ZEB1: variants seen among roughly 807,000 people sequenced by gnomAD.
ZEB1 encodes zinc finger E-box-binding homeobox 1.
In ZEB1, 21 loss-of-function variants were observed where a neutral mutation model predicts 84.9. That is an observed-to-expected ratio of 0.25 (90% confidence interval 0.18 to 0.36). ZEB1 has a LOEUF of 0.36. ZEB1 is among the 10% of genes least tolerant of loss of function. The pLI is 1.00. For missense variants in ZEB1, 1,104 were observed against 1,330.2 expected (o/e 0.83, Z 2.65); for synonymous variants, 420 against 471.1 (o/e 0.89, Z 1.41).
At chr10:31,448,624 T>C (rs1336031138) in intron 1 of ZEB1, among the ~76,000 whole-genome samples, 1 of 151,914 alleles carries the variant, frequency 6.6e-6, no homozygotes, top group Non-Finnish European at 1.5e-5. Context: ...TTAGTTTTCC[T>C]TCTTACAGAC....
At chr10:31,448,577 A>G (rs1015856519) in intron 1 of ZEB1, among the ~76,000 whole-genome samples, 1 of 150,982 alleles carries the variant, frequency 6.6e-6, no homozygotes, top group Non-Finnish European at 1.5e-5. Context: ...ATGGTGATGT[A>G]CAGATGGGTT....
intron 1 of ZEB1, among the ~76,000 whole-genome samples, chr10:31,428,761 T>C (rs1359860403): frequency 6.6e-6 from 1 of 152,232 alleles, no homozygotes; most frequent in African/African-American, 2.4e-5. Flanking sequence ...CATACATATT[T>C]AGGATAGTTT....
intron 4 of ZEB1, among the ~76,000 whole-genome samples, chr10:31,504,684 T>A (rs1275622669): frequency 6.6e-6 from 1 of 152,026 alleles, no homozygotes; most frequent in Non-Finnish European, 1.5e-5. Flanking sequence ...TTGGGTAAAT[T>A]TATCCCTAGG....
Position 31,331,889 on chromosome 10 carries a change from C to G in ZEB1, c.58+12597C>G, listed in dbSNP as rs1246967388. Among the ~76,000 whole-genome samples, 2 of 152,126 alleles carry G rather than the reference C, an allele frequency of 1.3e-5. 1 individual carries two copies. Among genetic ancestry groups the G allele is most frequent in the Non-Finnish European group, 2.9e-5 (2 of 68,022 alleles). ...AATGAAGAAAAAATGCTTTATATTG[C>G]TTTCCTGAATTTAGATTTTATCTTG... On this transcript the variant is annotated intron_variant, in intron 1 of 8. Transcript: ENST00000424869.
rs78449005 is a variant in ZEB1, at chr10:31,524,045, C to G, written c.2717C>G (p.Ala906Gly). The G allele has an allele frequency of 5.0e-4, 808 of 1,613,856 alleles. 1 individual carries two copies. The African/African-American group carries it at 5.2e-3, about 10-fold the overall frequency. ...KMRKTENGMYACDLCDKIFQK... is the reference protein window; with the variant it reads ...KMRKTENGMYGCDLCDKIFQK... Reference sequence around the variant, plus strand: ...CGGAAGACAGAAAATGGAATGTATGCTTGTGATTTGTGTGACAAGATATTC... The same window carrying G: ...CGGAAGACAGAAAATGGAATGTATGGTTGTGATTTGTGTGACAAGATATTC... The change falls in exon 8 of 9, where the codon GCT becomes GGT. Residue 906 changes from alanine to glycine, a missense_variant. Around this residue, in one of 7 missense-constraint regions of ZEB1, gnomAD observed 531 missense variants for 575.2 expected, o/e 0.92. Coordinates refer to ENST00000424869, the MANE Select transcript of ZEB1 (RefSeq NM_001174096.2).
chr10:31,370,825 A>G (rs1782367325), intron 1 of ZEB1, among the ~76,000 whole-genome samples: 1 of 152,200 alleles, frequency 6.6e-6, no homozygotes, highest in Admixed American at 6.5e-5. Context: ...ATAATGTCAT[A>G]TGACTGGACC....
intron 1 of ZEB1, chr10:31,363,925 G>A (rs1283498865): frequency 8.4e-6 from 11 of 1,307,136 alleles, no homozygotes; most frequent in Non-Finnish European, 7.9e-6. Context: ...AGGCACAGGT[G>A]CAGGAGCTGC....
At position 31,323,964 on chromosome 10, in the gene ZEB1, C is replaced by T. The variant is rs1036305744; in HGVS notation, c.58+4672C>T. Among the ~76,000 whole-genome samples, 812 of 146,390 alleles carry T rather than the reference C, an allele frequency of 5.5e-3. 12 individuals are homozygous for T. The highest frequency in any genetic ancestry group is 0.019 in the African/African-American group (777 of 40,000). ...CTTATTTTAGGATGTCATGGTTCTT[C>T]GTGTGTGTGTGTGTGTGTGTGTGTG... is the stretch of plus-strand genomic sequence containing the variant. On this transcript the variant is annotated intron_variant, in intron 1 of 8. Coordinates refer to ENST00000424869, the MANE Select transcript of ZEB1 (RefSeq NM_001174096.2).
chr10:31,438,221 G>A (rs866824656), intron 1 of ZEB1, among the ~76,000 whole-genome samples: 19 of 152,172 alleles, frequency 1.2e-4, no homozygotes, highest in African/African-American at 2.9e-4. Context: ...TTGTGCTGGT[G>A]TTCAGCAAGT....
chr10:31,477,519 A>G (rs752747561), intron 2 of ZEB1, among the ~76,000 whole-genome samples: 1 of 152,068 alleles, frequency 6.6e-6, no homozygotes, highest in African/African-American at 2.4e-5. Flanking sequence ...CCTGAAGTTC[A>G]TATGGACCAA....
At chr10:31,331,987 ATAT>A (rs1181413291) in intron 1 of ZEB1, among the ~76,000 whole-genome samples, 5 of 152,180 alleles carry the variant, frequency 3.3e-5, no homozygotes, top group South Asian at 2.1e-4. Flanking sequence ...GTAATTTATA[ATAT>A]TATGTTTCTT....
chr10:31,416,775 A>G (rs1258668937), intron 1 of ZEB1, among the ~76,000 whole-genome samples: 6 of 152,172 alleles, frequency 3.9e-5, no homozygotes, highest in Non-Finnish European at 7.4e-5. Context: ...ACATGGGCAC[A>G]TATTTACCAA....
intron 2 of ZEB1, among the ~76,000 whole-genome samples, chr10:31,463,598 A>G (rs1020258069): frequency 7.2e-5 from 11 of 152,182 alleles, no homozygotes; most frequent in Admixed American, 2.6e-4. Flanking sequence ...ACCATTTTCC[A>G]TCTCTACCAT....
intron 1 of ZEB1, among the ~76,000 whole-genome samples, chr10:31,414,332 G>C (rs1312720330): frequency 1.3e-5 from 2 of 152,070 alleles, no homozygotes; most frequent in African/African-American, 4.8e-5. Context: ...TAAATGCATT[G>C]TGGTGTTTGC....
intron 1 of ZEB1, among the ~76,000 whole-genome samples, chr10:31,426,510 T>G (rs1054675873): frequency 1.3e-5 from 2 of 152,198 alleles, no homozygotes; most frequent in African/African-American, 4.8e-5. Context: ...ACATTCTGAT[T>G]ATAGAGTCAG....
At chr10:31,384,890 T>C (rs889044797) in intron 1 of ZEB1, among the ~76,000 whole-genome samples, 3 of 152,202 alleles carry the variant, frequency 2.0e-5, no homozygotes, top group African/African-American at 7.2e-5. Context: ...CAACTTTGGG[T>C]TGGTCTTTAC....
At chr10:31,517,068 C>G (rs2071285939) in intron 6 of ZEB1, among the ~76,000 whole-genome samples, 1 of 151,942 alleles carries the variant, frequency 6.6e-6, no homozygotes, top group Admixed American at 6.6e-5. Flanking sequence ...AAAAAAGAAC[C>G]AAACAAAGCC....
At chr10:31,382,160 A>G (rs1038359513) in intron 1 of ZEB1, among the ~76,000 whole-genome samples, 1 of 151,846 alleles carries the variant, frequency 6.6e-6, no homozygotes, top group South Asian at 2.1e-4. Flanking sequence ...CTCTGCTTGC[A>G]TGCCACCTTG....
chr10:31,406,470 AT>A (rs1002709435), intron 1 of ZEB1, among the ~76,000 whole-genome samples: 29 of 146,680 alleles, frequency 2.0e-4, no homozygotes, highest in African/African-American at 5.5e-4. Context: ...TTTTTCATAT[AT>A]TTTTTGGCCG....
Sources: allele counts gnomAD v4.1 joint callset (sites outside exome capture counted in the v4.1 genomes callset), GRCh38; gene constraint gnomAD v4.1.1; regional missense constraint gnomAD v4.1.1; transcripts MANE v1.5; gene names NCBI Gene and HGNC (gene_info 2026-07-23, HGNC 2026-07-21).